Variants in CTNNA2 observed in about 807,000 individuals in gnomAD.
CTNNA2 encodes catenin alpha 2.
CTNNA2 carries 42 observed loss-of-function variants against 101.0 expected under a neutral mutation model. The ratio of observed to expected loss-of-function variants is 0.42; its 90% CI spans 0.32 to 0.54. CTNNA2 has a LOEUF of 0.54. Ranked by LOEUF, CTNNA2 falls within the 20% of genes least tolerant of loss-of-function variation. CTNNA2 has a pLI of 0.14. For synonymous variants in CTNNA2, 450 were observed against 456.4 expected (o/e 0.99, Z 0.18); for missense variants, 871 against 1,223.1 (o/e 0.71, Z 4.29).
chr2:79,442,687 A>C (rs1438307025), intron 4 of CTNNA2, among the ~76,000 whole-genome samples: 1 of 152,178 alleles, frequency 6.6e-6, no homozygotes, highest in East Asian at 1.9e-4. Context: ...TACCCTGATT[A>C]TTAGGTGGGA....
rs899634347 is a variant in CTNNA2 at position 79,336,541 on chromosome 2, A to G, written c.-318+23745A>G. Among the ~76,000 whole-genome samples, 31 of 152,156 alleles carry G rather than the reference A, an allele frequency of 2.0e-4. 1 individual carries two copies. The highest frequency in any genetic ancestry group is 4.4e-5 in the Non-Finnish European group (3 of 68,036). On this transcript the variant is annotated intron_variant, in intron 3 of 21. Coordinates refer to the CTNNA2 transcript ENST00000466387. ...GTTCTGCTGAGGCCAGACCACTCATATGAGTCTAATTCATCCTGATCCTGA... is the reference window on the plus strand; with the variant it reads ...GTTCTGCTGAGGCCAGACCACTCATGTGAGTCTAATTCATCCTGATCCTGA...
intron 7 of CTNNA2, among the ~76,000 whole-genome samples, chr2:80,215,443 G>T (rs1241763134): frequency 6.6e-6 from 1 of 152,156 alleles, no homozygotes; most frequent in African/African-American, 2.4e-5. Flanking sequence ...GGGTTTTGGT[G>T]TGGATGTCCT....
intron 7 of CTNNA2, among the ~76,000 whole-genome samples, chr2:80,263,184 G>C (rs776794727): frequency 1.3e-5 from 2 of 152,044 alleles, no homozygotes; most frequent in Admixed American, 6.6e-5. Flanking sequence ...TTTGTTTTCT[G>C]TTTCACTTGA....
chr2:80,503,351 G>T (rs537361204), intron 9 of CTNNA2, among the ~76,000 whole-genome samples: 23 of 152,046 alleles, frequency 1.5e-4, no homozygotes, highest in Non-Finnish European at 3.4e-4. Flanking sequence ...GATGTTTTCC[G>T]CACAATCACA....
At chr2:79,836,769 CT>C (rs1403881389) in intron 3 of CTNNA2, among the ~76,000 whole-genome samples, 1 of 151,800 alleles carries the variant, frequency 6.6e-6, no homozygotes, top group Non-Finnish European at 1.5e-5. Flanking sequence ...TTCTTTTTTT[CT>C]TTTTCTTTCT....
At chr2:79,348,816 T>C (rs1446473452) in intron 3 of CTNNA2, among the ~76,000 whole-genome samples, 3 of 152,224 alleles carry the variant, frequency 2.0e-5, no homozygotes, top group Non-Finnish European at 2.9e-5. Flanking sequence ...GGACAATCTC[T>C]ACACCACTTG....
intron 7 of CTNNA2, among the ~76,000 whole-genome samples, chr2:80,107,018 T>G (rs1344157879): frequency 6.6e-6 from 1 of 152,088 alleles, no homozygotes; most frequent in Non-Finnish European, 1.5e-5. Context: ...AAATTATGGG[T>G]CATTACTGTT....
intron 3 of CTNNA2, among the ~76,000 whole-genome samples, chr2:79,795,241 T>C: frequency 6.6e-6 from 1 of 152,154 alleles, no homozygotes. Context: ...TAACATTGAC[T>C]TTTCTTGCCT....
chr2:79,557,575 T>G lies in CTNNA2; in HGVS notation c.-6+44368T>G, dbSNP rs185078567. Among the ~76,000 whole-genome samples the G allele has an allele frequency of 8.8e-4, 134 of 152,094 alleles. 1 individual carries two copies. The highest frequency in any genetic ancestry group is 1.5e-3 in the Admixed American group (23 of 15,230). ...TGTTACCTAAAATTTGAACTACTTA[T>G]TCTCTGTGTGGAAGACTTTTAGGGG... is the stretch of plus-strand genomic sequence containing the variant. On this transcript the variant is annotated intron_variant, in intron 1 of 18. Coordinates refer to ENST00000402739, the MANE Select transcript of CTNNA2 (RefSeq NM_001282597.3).
intron 7 of CTNNA2, among the ~76,000 whole-genome samples, chr2:80,106,650 A>T (rs985262793): frequency 6.6e-6 from 1 of 152,122 alleles, no homozygotes; most frequent in South Asian, 2.1e-4. Flanking sequence ...GGCCTCGTGC[A>T]TTCCAAGAAC....
chr2:79,204,692 GTCCA>G (rs1235383222), intron 2 of CTNNA2, among the ~76,000 whole-genome samples: 5 of 152,202 alleles, frequency 3.3e-5, no homozygotes, highest in Admixed American at 2.0e-4. Context: ...AGGCTGGGAT[GTCCA>G]AGATCAAGGC....
chr2:80,609,201 G>C (rs1007611369), intron 17 of CTNNA2, among the ~76,000 whole-genome samples: 1 of 151,754 alleles, frequency 6.6e-6, no homozygotes, highest in Non-Finnish European at 1.5e-5. Context: ...TATCAGCGTG[G>C]TGAATACCTT....
chr2:80,162,849 C>T (rs1704415604), intron 7 of CTNNA2: 1 of 1,596,134 alleles, frequency 6.3e-7, no homozygotes, highest in South Asian at 1.1e-5. Flanking sequence ...AGAGAAAGAT[C>T]TCTGAATTAT....
At chr2:79,340,781 C>T (rs1181184471) in intron 3 of CTNNA2, among the ~76,000 whole-genome samples, 2 of 124,822 alleles carry the variant, frequency 1.6e-5, no homozygotes, top group African/African-American at 6.2e-5. Flanking sequence ...TTGCAGTGAG[C>T]GGAGATCGCG....
At chr2:80,062,730 G>A (rs1183138099) in intron 7 of CTNNA2, among the ~76,000 whole-genome samples, 3 of 137,846 alleles carry the variant, frequency 2.2e-5, no homozygotes, top group African/African-American at 8.2e-5. Flanking sequence ...TTTTGAGATG[G>A]AGTCTCACTC....
In CTNNA2 at chr2:79,866,325, C is replaced by A. The variant is rs534112674; in HGVS notation, c.466-3491C>A. On this transcript the variant is annotated intron_variant, in intron 4 of 18. Coordinates refer to ENST00000402739, the MANE Select transcript of CTNNA2 (RefSeq NM_001282597.3). ...ATGCACTGGTTATAAATATTAAGGACAAAAATACGTGGTTTAGCAAAGAGT... is the reference window on the plus strand; with the variant it reads ...ATGCACTGGTTATAAATATTAAGGAAAAAAATACGTGGTTTAGCAAAGAGT... Among the ~76,000 whole-genome samples, 26 of 152,268 alleles carry A rather than the reference C, an allele frequency of 1.7e-4. No homozygotes were observed. The Middle Eastern group carries it at 0.02, about 120-fold the overall frequency.
At chr2:80,162,140 A>G (rs1704363615) in intron 7 of CTNNA2, among the ~76,000 whole-genome samples, 2 of 152,176 alleles carry the variant, frequency 1.3e-5, no homozygotes. Flanking sequence ...CAAAAAGATA[A>G]CAAATAATTA....
intron 7 of CTNNA2, among the ~76,000 whole-genome samples, chr2:80,039,609 C>G (rs974033444): frequency 2.6e-5 from 4 of 152,176 alleles, no homozygotes; most frequent in African/African-American, 7.2e-5. Flanking sequence ...GGGGGTGGTT[C>G]TAAGATATTG....
At chr2:80,468,005 C>T (rs992808502) in intron 9 of CTNNA2, among the ~76,000 whole-genome samples, 4 of 152,130 alleles carry the variant, frequency 2.6e-5, no homozygotes, top group African/African-American at 9.7e-5. Context: ...TATATTTATT[C>T]AAATAAGTGT....
Sources: gnomAD v4.1 joint callset for allele counts (sites outside exome capture counted in the v4.1 genomes callset) on GRCh38, gnomAD v4.1.1 for gene constraint, MANE v1.5 for transcripts, NCBI Gene and HGNC (gene_info 2026-07-23, HGNC 2026-07-21) for gene names.